The following GALNTL6 variants were observed in gnomAD, a reference collection of about 807,000 sequenced individuals.
GALNTL6 encodes polypeptide N-acetylgalactosaminyltransferase-like 6.
Under a neutral mutation model 73.7 loss-of-function variants are expected in GALNTL6, and 46 were observed. The observed-to-expected ratio is 0.62, with a 90% CI of 0.49 to 0.80. The LOEUF is 0.80. Ranked by LOEUF, GALNTL6 falls within the 30% of genes least tolerant of loss-of-function variation. The probability of loss-of-function intolerance (pLI) is 0.00; values close to 1 mark genes in which losing one functional copy is unlikely to be tolerated. For synonymous variants in GALNTL6, 259 were observed against 263.7 expected, an observed-to-expected ratio of 0.98 and a Z score of 0.17; for missense variants, 604 against 755.0, an observed-to-expected ratio of 0.80 and a Z score of 2.34.
chr4:172,811,920 G>T (rs1480783276), intron 6 of GALNTL6, among the ~76,000 whole-genome samples: 1 of 152,042 alleles, frequency 6.6e-6, no homozygotes, highest in Non-Finnish European at 1.5e-5. Flanking sequence ...ATTCATCATG[G>T]TATCCCCAGA....
intron 2 of GALNTL6, among the ~76,000 whole-genome samples, chr4:171,973,442 G>T (rs7665908): frequency 0.055 from 8,399 of 152,126 alleles, 606 homozygotes; most frequent in African/African-American, 0.16. Flanking sequence ...CTTCTGGTAG[G>T]CCTGGGGGTT....
intron 2 of GALNTL6, among the ~76,000 whole-genome samples, chr4:172,223,450 C>T (rs1488104382): frequency 6.6e-6 from 1 of 152,024 alleles, no homozygotes; most frequent in Non-Finnish European, 1.5e-5. Context: ...CCTTAACTTC[C>T]ACATAACATT....
At chr4:171,866,520 T>C (rs1262917656) in intron 2 of GALNTL6, among the ~76,000 whole-genome samples, 1 of 152,212 alleles carries the variant, frequency 6.6e-6, no homozygotes, top group Non-Finnish European at 1.5e-5. Flanking sequence ...GTCGATTGTA[T>C]GACTAGAAAA....
intron 7 of GALNTL6, among the ~76,000 whole-genome samples, chr4:172,839,065 A>T (rs1743065201): frequency 6.6e-6 from 1 of 152,210 alleles, no homozygotes; most frequent in Non-Finnish European, 1.5e-5. Flanking sequence ...TAACAGCCAG[A>T]GAGTTCATAA....
At chr4:172,125,946 T>C (rs1560933252) in intron 2 of GALNTL6, among the ~76,000 whole-genome samples, 1 of 152,132 alleles carries the variant, frequency 6.6e-6, no homozygotes, top group Non-Finnish European at 1.5e-5. Flanking sequence ...TATTTTTATT[T>C]CCTTCTTATA....
intron 2 of GALNTL6, among the ~76,000 whole-genome samples, chr4:171,977,642 A>G (rs765181929): frequency 2.0e-5 from 3 of 152,198 alleles, no homozygotes; most frequent in Non-Finnish European, 4.4e-5. Context: ...CATCTGATGT[A>G]CTGGGGATTA....
At chr4:172,710,078 AAATT>A (rs1293591284) in intron 5 of GALNTL6, among the ~76,000 whole-genome samples, 1 of 152,196 alleles carries the variant, frequency 6.6e-6, no homozygotes, top group Non-Finnish European at 1.5e-5. Flanking sequence ...TAAAGAGTAT[AAATT>A]ACTATAATAG....
At chr4:172,203,662 A>AGACC (rs767373678) in intron 2 of GALNTL6, among the ~76,000 whole-genome samples, 2 of 152,178 alleles carry the variant, frequency 1.3e-5, no homozygotes, top group Non-Finnish European at 2.9e-5. Context: ...TTTGACCTCC[A>AGACC]GACCCATCTA....
intron 5 of GALNTL6, among the ~76,000 whole-genome samples, chr4:172,401,766 A>G (rs1744047571): frequency 6.6e-6 from 1 of 152,136 alleles, no homozygotes; most frequent in Non-Finnish European, 1.5e-5. Context: ...TGTATACTTT[A>G]GAAGCAAACC....
chr4:173,022,106 G>GGAGA (rs1753032393), intron 12 of GALNTL6, among the ~76,000 whole-genome samples: 1 of 99,418 alleles, frequency 1.0e-5, no homozygotes, highest in African/African-American at 3.7e-5. Flanking sequence ...AAGGAAGGAA[G>GGAGA]GAAAGAAGGA....
At chr4:172,610,617 C>A (rs896704654) in intron 5 of GALNTL6, among the ~76,000 whole-genome samples, 1 of 151,832 alleles carries the variant, frequency 6.6e-6, no homozygotes, top group African/African-American at 2.4e-5. Context: ...AGCATATGGT[C>A]AATTTTAGAT....
chr4:172,843,076 ATGAC>A (rs1475747969), intron 7 of GALNTL6, among the ~76,000 whole-genome samples: 1 of 152,066 alleles, frequency 6.6e-6, no homozygotes, highest in Non-Finnish European at 1.5e-5. Context: ...TCAAATATAA[ATGAC>A]TAAGAGCCCT....
At chr4:172,121,914 A>C (rs1449716714) in intron 2 of GALNTL6, among the ~76,000 whole-genome samples, 2 of 152,048 alleles carry the variant, frequency 1.3e-5, no homozygotes, top group African/African-American at 4.8e-5. Context: ...GCTTAAAGGA[A>C]ACCAATTAAA....
intron 5 of GALNTL6, among the ~76,000 whole-genome samples, chr4:172,399,392 T>C (rs1743960736): frequency 6.6e-6 from 1 of 152,012 alleles, no homozygotes; most frequent in South Asian, 2.1e-4. Context: ...ATATGCAGAG[T>C]AAACAGAACA....
chr4:172,702,119 A>G (rs573813401), intron 5 of GALNTL6, among the ~76,000 whole-genome samples: 9 of 152,176 alleles, frequency 5.9e-5, no homozygotes, highest in Middle Eastern at 3.4e-3. Context: ...TTCCTGAACT[A>G]CTTTTGTAAG....
At chr4:172,072,069 A>G (rs1731559164) in intron 2 of GALNTL6, among the ~76,000 whole-genome samples, 1 of 152,074 alleles carries the variant, frequency 6.6e-6, no homozygotes, top group South Asian at 2.1e-4. Context: ...TTTATTGTAG[A>G]TAAGGGGTTT....
chr4:171,926,920 G>A (rs112316840), intron 2 of GALNTL6, among the ~76,000 whole-genome samples: 6,441 of 152,012 alleles, frequency 0.042, 384 homozygotes, highest in African/African-American at 0.14. Flanking sequence ...GTTTGTTTAT[G>A]ACATTTTGAT....
intron 2 of GALNTL6, among the ~76,000 whole-genome samples, chr4:172,038,947 C>T (rs1389853135): frequency 1.3e-5 from 2 of 152,104 alleles, no homozygotes; most frequent in Non-Finnish European, 2.9e-5. Context: ...CTGAGATATT[C>T]TTTTTTATTA....
At chr4:172,735,921 G>A (rs1736432769) in intron 5 of GALNTL6, among the ~76,000 whole-genome samples, 1 of 152,218 alleles carries the variant, frequency 6.6e-6, no homozygotes, top group Non-Finnish European at 1.5e-5. Flanking sequence ...GATGCCCCTT[G>A]AGCCACAAAA....
Sources: gnomAD v4.1 joint callset for allele counts (sites outside exome capture counted in the v4.1 genomes callset) on GRCh38, gnomAD v4.1.1 for gene constraint, MANE v1.5 for transcripts, NCBI Gene and HGNC (gene_info 2026-07-23, HGNC 2026-07-21) for gene names.